PCDHGB7: variants seen among roughly 807,000 people sequenced by gnomAD.
PCDHGB7 encodes protocadherin gamma subfamily B, 7.
PCDHGB7 carries 37 observed loss-of-function variants against 61.4 expected under a neutral mutation model. The ratio of observed to expected loss-of-function variants is 0.60; its 90% confidence interval spans 0.46 to 0.79. The LOEUF is 0.79. Ranked by LOEUF, PCDHGB7 falls within the 30% of genes least tolerant of loss-of-function variation. The probability of loss-of-function intolerance (pLI) is 0.00; values close to 1 mark genes in which losing one functional copy is unlikely to be tolerated. For synonymous variants in PCDHGB7, 464 were observed against 503.5 expected (o/e 0.92, Z 1.05); for missense variants, 1,166 against 1,202.5 (o/e 0.97, Z 0.45).
In PCDHGB7 at chr5:141,476,718, C is replaced by T; in HGVS notation, c.2416-18089C>T. On this transcript the variant is annotated intron_variant, in intron 1 of 3. Transcript: ENST00000398594. The surrounding 1 kb of genome is among the most constrained non-coding windows in gnomAD (Gnocchi z 7.6). ...TACGCGGAGCTGGTGTTGGAGCGCG[C>T]CCTGGACCGAGAACGGGAGCCTAGT... The T allele has an allele frequency of 1.2e-6, 2 of 1,614,144 alleles. No individual in the cohort carries two copies. The highest frequency in any genetic ancestry group is 2.2e-5 in the East Asian group (1 of 44,874).
intron 1 of PCDHGB7, chr5:141,441,746 C>T: frequency 2.7e-6 from 1 of 371,314 alleles, no homozygotes; most frequent in East Asian, 9.8e-5. Flanking sequence ...TCGCGCTCGG[C>T]GTCAACGTGA....
chr5:141,478,711 T>A, intron 1 of PCDHGB7: 1 of 1,547,346 alleles, frequency 6.5e-7, no homozygotes, highest in Non-Finnish European at 8.7e-7. Flanking sequence ...CTTTGTGAGA[T>A]GGTGGCCTGC....
At chr5:141,456,142 C>A (rs1258425044) in intron 1 of PCDHGB7, among the ~76,000 whole-genome samples, 1 of 152,052 alleles carries the variant, frequency 6.6e-6, no homozygotes, top group Non-Finnish European at 1.5e-5. Flanking sequence ...CCTGATCCGC[C>A]CGCCTCGGCC....
intron 1 of PCDHGB7, among the ~76,000 whole-genome samples, chr5:141,458,298 A>G (rs2098942125): frequency 6.6e-6 from 1 of 152,178 alleles, no homozygotes; most frequent in African/African-American, 2.4e-5. Context: ...ATGCTGGTTT[A>G]GATAAAATGA....
At chr5:141,438,487 G>T (rs1030201971) in intron 1 of PCDHGB7, among the ~76,000 whole-genome samples, 9 of 150,284 alleles carry the variant, frequency 6.0e-5, no homozygotes, top group African/African-American at 2.2e-4. Flanking sequence ...GTCTCTTGGA[G>T]AAAAAAGAAT....
intron 1 of PCDHGB7, among the ~76,000 whole-genome samples, chr5:141,454,907 A>T (rs1304287479): frequency 1.4e-5 from 2 of 139,080 alleles, no homozygotes; most frequent in East Asian, 4.3e-4. Context: ...TCCCGGGTTC[A>T]CGCCATTCTC....
In PCDHGB7 at chr5:141,419,647, G is replaced by A. The variant is rs370948584; in HGVS notation, c.1788G>A (p.Ala596=). The A allele has an allele frequency of 1.0e-4, 165 of 1,612,474 alleles. No individual in the cohort carries two copies. Among genetic ancestry groups the A allele is most frequent in the Non-Finnish European group, 1.4e-4 (161 of 1,179,774 alleles). The part of the protein sequence containing the change: ...YLVTKVVAVD[A]DSGHNAWLSY... ...TGACCAAGGTGGTGGCCGTGGACGC[G>A]GACTCGGGGCACAATGCCTGGCTGT... is the stretch of plus-strand genomic sequence containing the variant. The change falls in exon 1 of 4, where the codon GCG becomes GCA. Residue 596 remains alanine (A), a synonymous_variant. Coordinates refer to ENST00000398594, the MANE Select transcript of PCDHGB7 (RefSeq NM_018927.4).
At chr5:141,454,620 G>T (rs1028840158) in intron 1 of PCDHGB7, among the ~76,000 whole-genome samples, 1 of 151,520 alleles carries the variant, frequency 6.6e-6, no homozygotes, top group East Asian at 1.9e-4. Flanking sequence ...TGGTCAGGCT[G>T]GTCTCGAACC....
chr5:141,505,342 T>C (rs2099845433), intron 2 of PCDHGB7, 51 bp from the exon 3 acceptor site: 1 of 1,612,738 alleles, frequency 6.2e-7, no homozygotes, highest in African/African-American at 1.3e-5. Flanking sequence ...AGGAGGGGCA[T>C]GAGCTGTGCC....
chr5:141,443,163 T>C (rs1054542792), intron 1 of PCDHGB7, among the ~76,000 whole-genome samples: 3 of 152,172 alleles, frequency 2.0e-5, no homozygotes, highest in Non-Finnish European at 4.4e-5. Context: ...TTTATTTCCC[T>C]ACCCATGTCC....
In PCDHGB7 at chr5:141,432,059, A is replaced by G. The variant is rs752124614; in HGVS notation, c.2415+11785A>G. The stretch of plus-strand genomic sequence containing the variant: ...TGACCGGGGAACCCCGCCCCTATCC[A>G]CGGAAACTCATATCTCGCTGAACGT... On this transcript the variant is annotated intron_variant, in intron 1 of 3. Coordinates refer to ENST00000398594, the MANE Select transcript of PCDHGB7 (RefSeq NM_018927.4). The surrounding 1 kb of genome is among the most constrained non-coding windows in gnomAD (Gnocchi z 6.0). 17 of 1,614,052 alleles carry G rather than the reference A, an allele frequency of 1.1e-5. No individual in the cohort carries two copies. The highest frequency in any genetic ancestry group is 1.3e-5 in the African/African-American group (1 of 74,918).
At chr5:141,427,120 TC>T (rs1212765591) in intron 1 of PCDHGB7, 1 of 457,342 alleles carries the variant, frequency 2.2e-6, no homozygotes, top group African/African-American at 2.0e-5. Context: ...ACCTACTCTT[TC>T]AAATCCCTAC....
At chr5:141,436,752 A>G (rs2097844842) in intron 1 of PCDHGB7, among the ~76,000 whole-genome samples, 2 of 152,194 alleles carry the variant, frequency 1.3e-5, no homozygotes, top group South Asian at 4.1e-4. Context: ...GCTTCTCCAT[A>G]TGGTATAATG....
At chr5:141,469,569 G>A (rs975304006) in intron 1 of PCDHGB7, among the ~76,000 whole-genome samples, 1 of 152,122 alleles carries the variant, frequency 6.6e-6, no homozygotes, top group Non-Finnish European at 1.5e-5. Flanking sequence ...GTGAGACTCT[G>A]TCTCTAAATA....
chr5:141,472,980 C>CAAAAAAAAAAAAAAAAAAGAAAAAAAA (rs60579131), intron 1 of PCDHGB7, among the ~76,000 whole-genome samples: 1 of 86,106 alleles, frequency 1.2e-5, no homozygotes, highest in Non-Finnish European at 2.5e-5. Flanking sequence ...GAGTGAAACT[C>CAAAAAAAAAAAAAAAAAAGAAAAAAAA]AAAAAAAAAA....
In PCDHGB7 at chr5:141,485,216, G is replaced by C. The variant is rs757059807; in HGVS notation, c.2416-9591G>C. On this transcript the variant is annotated intron_variant, in intron 1 of 3. Transcript: ENST00000398594. The surrounding 1 kb of genome is among the most constrained non-coding windows in gnomAD (Gnocchi z 5.7). ...AAGCTGGACAGAAATCTGGCGGTGG[G>C]CTACCCTTTTGTTCCTCTTTTACCA... 2.5e-6 allele frequency: 4 copies of C among 1,614,144 alleles called. No homozygotes were observed. In the South Asian group the frequency reaches 4.4e-5, roughly 18 times the overall value.
rs774505854 is a variant in PCDHGB7 at position 141,490,507 on chromosome 5, G to A, written c.2416-4300G>A. The A allele has an allele frequency of 5.6e-6, 9 of 1,613,898 alleles. No individual in the cohort carries two copies. The highest frequency in any genetic ancestry group is 4.0e-5 in the African/African-American group (3 of 74,868). ...GGAGGCCACATCCCACTATATCATC[G>A]AGCTGCTGGCCAGCGATGCTGGTTC... On this transcript the variant is annotated intron_variant, in intron 1 of 3. Transcript: ENST00000398594. This position sits in a 1 kb window ranked among gnomAD's most constrained non-coding sequence, Gnocchi z 5.4.
intron 1 of PCDHGB7, chr5:141,427,524 C>T (rs1421119651): frequency 1.6e-6 from 1 of 610,726 alleles, no homozygotes; most frequent in South Asian, 1.5e-5. Flanking sequence ...GGAGCGGATC[C>T]CGGAGTACAA....
At chr5:141,459,632 A>G (rs1202000974) in intron 1 of PCDHGB7, among the ~76,000 whole-genome samples, 1 of 152,214 alleles carries the variant, frequency 6.6e-6, no homozygotes, top group East Asian at 1.9e-4. Flanking sequence ...AAGCTGCCAA[A>G]CTATTTTTCA....
Sources: allele counts gnomAD v4.1 joint callset (sites outside exome capture counted in the v4.1 genomes callset), GRCh38; gene constraint gnomAD v4.1.1; non-coding constraint Gnocchi (gnomAD v3.1); transcripts MANE v1.5; gene names NCBI Gene and HGNC (gene_info 2026-07-23, HGNC 2026-07-21).